BTBD9: variants seen among roughly 807,000 people sequenced by gnomAD.
BTBD9 encodes the protein BTB/POZ domain-containing protein 9.
In BTBD9, 49 loss-of-function variants were observed where a neutral mutation model predicts 64.3. The observed-to-expected ratio is 0.76, with a 90% CI of 0.61 to 0.97. The LOEUF is 0.97. Among genes scored for constraint, BTBD9 ranks in the 50% least tolerant of loss-of-function variants. The pLI is 0.00. For missense variants in BTBD9, 598 were observed against 762.1 expected (o/e 0.78, Z 2.53); for synonymous variants, 260 against 274.7 (o/e 0.95, Z 0.53).
At chr6:38,346,574 C>T (rs1399234671) in intron 6 of BTBD9, among the ~76,000 whole-genome samples, 1 of 151,714 alleles carries the variant, frequency 6.6e-6, no homozygotes, top group East Asian at 1.9e-4. Context: ...CTAATCTGTT[C>T]CTTCAAGCCC....
chr6:38,444,815 A>T (rs1440458375), intron 6 of BTBD9, among the ~76,000 whole-genome samples: 1 of 152,230 alleles, frequency 6.6e-6, no homozygotes. Flanking sequence ...TGACTTGTCA[A>T]ATACAGTGCT....
At chr6:38,623,140 G>C (rs1050355606) in intron 1 of BTBD9, among the ~76,000 whole-genome samples, 10 of 152,116 alleles carry the variant, frequency 6.6e-5, no homozygotes, top group Non-Finnish European at 1.3e-4. Flanking sequence ...TACACAACCA[G>C]TTCTGTCTAC....
chr6:38,401,362 A>T (rs1766920858), intron 6 of BTBD9, among the ~76,000 whole-genome samples: 1 of 152,174 alleles, frequency 6.6e-6, no homozygotes, highest in African/African-American at 2.4e-5. Context: ...CAGAACTGTG[A>T]GTCAATGTTA....
chr6:38,275,348 C>T (rs1765347085), intron 8 of BTBD9, among the ~76,000 whole-genome samples: 1 of 152,044 alleles, frequency 6.6e-6, no homozygotes, highest in Non-Finnish European at 1.5e-5. Flanking sequence ...AAAATTAATT[C>T]AAGATGGATT....
At chr6:38,587,635 A>G in intron 4 of BTBD9, 1 of 599,416 alleles carries the variant, frequency 1.7e-6, no homozygotes, top group Non-Finnish European at 3.2e-6. Context: ...AAGTCAGGTG[A>G]AATATCTCTG....
chr6:38,244,395 A>T (rs988294912), intron 9 of BTBD9, among the ~76,000 whole-genome samples: 1 of 152,156 alleles, frequency 6.6e-6, no homozygotes. Flanking sequence ...TGTTCTGTTG[A>T]ACAGACTCTT....
At chr6:38,277,059 A>G (rs1761295979) in intron 8 of BTBD9, among the ~76,000 whole-genome samples, 1 of 152,236 alleles carries the variant, frequency 6.6e-6, no homozygotes, top group Non-Finnish European at 1.5e-5. Flanking sequence ...AAGTAAAACG[A>G]AACCAAATAA....
chr6:38,400,111 C>G (rs1766863259), intron 6 of BTBD9, among the ~76,000 whole-genome samples: 1 of 151,938 alleles, frequency 6.6e-6, no homozygotes, highest in East Asian at 1.9e-4. Flanking sequence ...TCTTCCTTTC[C>G]AAGGCATACC....
intron 6 of BTBD9, among the ~76,000 whole-genome samples, chr6:38,360,571 AG>A (rs1317716445): frequency 3.3e-5 from 5 of 152,210 alleles, no homozygotes; most frequent in Non-Finnish European, 7.3e-5. Flanking sequence ...ACAGACAACC[AG>A]GAAAGGCTTC....
At chr6:38,400,431 G>A (rs766398245) in intron 6 of BTBD9, among the ~76,000 whole-genome samples, 2 of 151,998 alleles carry the variant, frequency 1.3e-5, no homozygotes, top group Non-Finnish European at 2.9e-5. Flanking sequence ...ATCACTCAAT[G>A]TCCTCTAAGG....
At chr6:38,421,709 T>C (rs1449811317) in intron 6 of BTBD9, among the ~76,000 whole-genome samples, 2 of 152,204 alleles carry the variant, frequency 1.3e-5, no homozygotes, top group Admixed American at 6.5e-5. Context: ...CTACTGAATT[T>C]TGAGATGATA....
At chr6:38,385,263 C>T (rs1243008186) in intron 6 of BTBD9, among the ~76,000 whole-genome samples, 1 of 150,356 alleles carries the variant, frequency 6.7e-6, no homozygotes, top group Non-Finnish European at 1.5e-5. Context: ...TCAATCTCAG[C>T]TCACTGCAAC....
intron 1 of BTBD9, among the ~76,000 whole-genome samples, chr6:38,628,096 G>A (rs556877115): frequency 6.6e-6 from 1 of 152,250 alleles, no homozygotes; most frequent in East Asian, 1.9e-4. Flanking sequence ...GAGTGGGTAG[G>A]AACAAAGTAG....
intron 6 of BTBD9, among the ~76,000 whole-genome samples, chr6:38,549,942 C>T (rs1774723970): frequency 1.3e-5 from 2 of 152,124 alleles, no homozygotes; most frequent in Admixed American, 1.3e-4. Flanking sequence ...TGTGAAAACA[C>T]TTCCCTGCTT....
Position 38,540,213 on chromosome 6 carries a change from A to ACG in BTBD9, c.1154+37386_1154+37387insCG, listed in dbSNP as rs1774207892. ...TACCTTGCTACTGTGCCAAAGTATC[A>ACG]AACAACTTTTTGGCCTGGGTCAAGT... On this transcript the variant is annotated intron_variant, in intron 6 of 10. Coordinates refer to ENST00000481247, the MANE Select transcript of BTBD9 (RefSeq NM_001099272.2). Among the ~76,000 whole-genome samples, 2 of 152,214 alleles carry ACG rather than the reference A, an allele frequency of 1.3e-5. 1 individual carries two copies. Among genetic ancestry groups the ACG allele is most frequent in the South Asian group, 4.1e-4 (2 of 4,826 alleles).
At chr6:38,347,069 C>A (rs1476756210) in intron 6 of BTBD9, among the ~76,000 whole-genome samples, 1 of 152,142 alleles carries the variant, frequency 6.6e-6, no homozygotes, top group Non-Finnish European at 1.5e-5. Flanking sequence ...CCTTCCTTCC[C>A]TCCTGTTCTT....
At chr6:38,410,369 G>A (rs1242702866) in intron 6 of BTBD9, among the ~76,000 whole-genome samples, 1 of 152,076 alleles carries the variant, frequency 6.6e-6, no homozygotes, top group African/African-American at 2.4e-5. Context: ...CAGCTACCTG[G>A]GAGGCTGAGG....
intron 7 of BTBD9, among the ~76,000 whole-genome samples, chr6:38,303,379 TTATATA>T (rs1314627366): frequency 1.3e-5 from 2 of 152,122 alleles, no homozygotes; most frequent in Admixed American, 1.3e-4. Flanking sequence ...TCACCAAACT[TTATATA>T]TATTGTATTT....
chr6:38,367,014 G>A (rs1049079046), intron 6 of BTBD9, among the ~76,000 whole-genome samples: 2 of 152,188 alleles, frequency 1.3e-5, no homozygotes, highest in African/African-American at 4.8e-5. Context: ...AAAGGGCCGA[G>A]TTGTTTTTCT....
Sources: gnomAD v4.1 joint callset for allele counts (sites outside exome capture counted in the v4.1 genomes callset) on GRCh38, gnomAD v4.1.1 for gene constraint, MANE v1.5 for transcripts, NCBI Gene and HGNC (gene_info 2026-07-23, HGNC 2026-07-21) for gene names.